Variants in RPTOR observed in about 807,000 individuals in gnomAD.
RPTOR encodes the protein regulatory associated protein of MTOR complex 1.
RPTOR carries 21 observed loss-of-function variants against 169.9 expected under a neutral mutation model. That is an observed-to-expected ratio of 0.12 (90% CI 0.09 to 0.18). The LOEUF (loss-of-function observed/expected upper bound fraction) is 0.18. Among genes scored for constraint, RPTOR ranks in the 10% least tolerant of loss-of-function variants. The pLI, the probability that RPTOR is intolerant of heterozygous loss-of-function variation, is 1.00. For missense variants in RPTOR, 1,133 were observed against 1,855.9 expected (o/e 0.61, Z 7.16); for synonymous variants, 732 against 753.2 (o/e 0.97, Z 0.46).
At chr17:80,926,191 T>G (rs990595217) in intron 24 of RPTOR, among the ~76,000 whole-genome samples, 1 of 152,230 alleles carries the variant, frequency 6.6e-6, no homozygotes, top group East Asian at 1.9e-4. Context: ...TCTCTGTGAA[T>G]GGTATTTGGA....
Position 80,856,415 on chromosome 17 carries a change from C to T in RPTOR, c.1398+868C>T, listed in dbSNP as rs551306927. 3.6e-4 allele frequency among the ~76,000 whole-genome samples: 55 copies of T among 152,266 alleles called. No individual in the cohort carries two copies. In the South Asian group the frequency reaches 0.011, roughly 30 times the overall value. On this transcript the variant is annotated intron_variant, in intron 12 of 33. Coordinates refer to ENST00000306801, the MANE Select transcript of RPTOR (RefSeq NM_020761.3). ...GTGCGGTGGGGCGGTGGGTGCGGAA[C>T]CGCTGTCACTAGCTGGGTGGTGAGT... is the stretch of plus-strand genomic sequence containing the variant.
At chr17:80,814,624 A>G (rs2067305297) in intron 7 of RPTOR, among the ~76,000 whole-genome samples, 1 of 152,208 alleles carries the variant, frequency 6.6e-6, no homozygotes, top group African/African-American at 2.4e-5. Flanking sequence ...GGATTCACCC[A>G]TTGGCTCATC....
At chr17:80,841,498 C>G (rs1436912334) in intron 10 of RPTOR, among the ~76,000 whole-genome samples, 3 of 120,142 alleles carry the variant, frequency 2.5e-5, no homozygotes, top group Admixed American at 8.1e-5. Context: ...CTCACTCTCA[C>G]CACACGGCAG....
intron 11 of RPTOR, among the ~76,000 whole-genome samples, chr17:80,851,045 C>T (rs1356561935): frequency 2.0e-5 from 3 of 152,206 alleles, no homozygotes; most frequent in Admixed American, 6.5e-5. Context: ...CCTCCTGACT[C>T]AGCCTCCTGA....
At chr17:80,813,323 G>A (rs1167357589) in intron 7 of RPTOR, among the ~76,000 whole-genome samples, 1 of 152,174 alleles carries the variant, frequency 6.6e-6, no homozygotes, top group African/African-American at 2.4e-5. Flanking sequence ...TTAAGAAAAA[G>A]TATTTTCACT....
At chr17:80,863,438 G>C (rs1054378287) in intron 13 of RPTOR, among the ~76,000 whole-genome samples, 2 of 152,318 alleles carry the variant, frequency 1.3e-5, no homozygotes, top group East Asian at 3.9e-4. Context: ...ACTGCTGCAG[G>C]TGTTATCATT....
At chr17:80,933,087 C>G (rs1046548210) in intron 24 of RPTOR, among the ~76,000 whole-genome samples, 1 of 152,216 alleles carries the variant, frequency 6.6e-6, no homozygotes, top group African/African-American at 2.4e-5. Context: ...CAAACATATC[C>G]TCTCTTGCCA....
intron 1 of RPTOR, among the ~76,000 whole-genome samples, chr17:80,595,510 C>T (rs759185543): frequency 1.3e-5 from 2 of 152,178 alleles, no homozygotes; most frequent in Non-Finnish European, 2.9e-5. Flanking sequence ...GGCTAGAGTG[C>T]GGTGGCATGA....
chr17:80,773,681 T>G (rs2066866219), intron 6 of RPTOR: 7 of 519,186 alleles, frequency 1.3e-5, no homozygotes, highest in Non-Finnish European at 1.7e-5. Context: ...GGCTCCTAGA[T>G]GTTATTTGGA....
rs2144057876 is a variant in RPTOR at position 80,947,242 on chromosome 17, G to A, written c.3156G>A (p.Glu1052=). The change falls in exon 27 of 34, where the codon GAG becomes GAA. Residue 1052 remains glutamate, a synonymous_variant. Coordinates refer to ENST00000306801, the MANE Select transcript of RPTOR (RefSeq NM_020761.3). The surrounding 1 kb of genome is among the most constrained non-coding windows in gnomAD (Gnocchi z 4.4). ...TTCCCTTAAGCTTTTGGGACTGGGA[G>A]AAAGGGGAGAAGCTGGATTATTTCC... ...DKDSICFWDW[E]KGEKLDYFHN... is the part of the protein sequence containing the mutation. The A allele has an allele frequency of 6.3e-7, 1 of 1,598,720 alleles. No individual in the cohort carries two copies.
chr17:80,876,076 G>A (rs1189957661), intron 13 of RPTOR, among the ~76,000 whole-genome samples: 4 of 75,114 alleles, frequency 5.3e-5, no homozygotes, highest in Non-Finnish European at 1.1e-4. Context: ...CCCGTGCCAC[G>A]CAGGGTGTGT....
intron 30 of RPTOR, chr17:80,961,103 C>T (rs575062059): frequency 1.3e-4 from 55 of 431,382 alleles, no homozygotes; most frequent in African/African-American, 1.0e-3. Context: ...CCGCCTGGCC[C>T]CCGTCTCTGG....
intron 20 of RPTOR, among the ~76,000 whole-genome samples, chr17:80,907,147 C>T (rs1311572688): frequency 1.3e-5 from 2 of 152,230 alleles, no homozygotes; most frequent in Non-Finnish European, 2.9e-5. Context: ...TGACACGAGG[C>T]CCTCCACTGG....
rs963631908 is a variant in RPTOR at position 80,803,944 on chromosome 17, G to A, written c.890+12435G>A. Among the ~76,000 whole-genome samples the A allele has an allele frequency of 1.3e-5, 2 of 152,216 alleles. No homozygotes were observed. Among genetic ancestry groups the A allele is most frequent in the Non-Finnish European group, 1.5e-5 (1 of 68,040 alleles). ...AGCGTTCCAGACGGGGAGCCCCACAGCCTCTGAGCCAGGCACGAGCTTGGG... is the reference window on the plus strand; with the variant it reads ...AGCGTTCCAGACGGGGAGCCCCACAACCTCTGAGCCAGGCACGAGCTTGGG... On this transcript the variant is annotated intron_variant, in intron 7 of 33. Coordinates refer to ENST00000306801, the MANE Select transcript of RPTOR (RefSeq NM_020761.3). This position sits in a 1 kb window ranked among gnomAD's most constrained non-coding sequence, Gnocchi z 6.2.
chr17:80,575,249 C>T (rs2064951685), intron 1 of RPTOR, among the ~76,000 whole-genome samples: 1 of 152,134 alleles, frequency 6.6e-6, no homozygotes, highest in African/African-American at 2.4e-5. Context: ...TCCGCCTTGG[C>T]CTCCCAAAGT....
intron 3 of RPTOR, among the ~76,000 whole-genome samples, chr17:80,655,305 C>G (rs1238197209): frequency 6.6e-6 from 1 of 152,204 alleles, no homozygotes; most frequent in Non-Finnish European, 1.5e-5. Flanking sequence ...AGGCTGGCCT[C>G]AAAGTCCTGA....
chr17:80,685,872 G>A (rs575582647), intron 3 of RPTOR, among the ~76,000 whole-genome samples: 20 of 151,282 alleles, frequency 1.3e-4, no homozygotes, highest in Admixed American at 7.3e-4. Context: ...GGAAATGCCC[G>A]ACAAGAACCC....
rs968519145 is a variant in RPTOR, at chr17:80,633,818, C to T, written c.265+8025C>T. Among the ~76,000 whole-genome samples, 12 of 152,292 alleles carry T rather than the reference C, an allele frequency of 7.9e-5. No homozygotes were observed. The highest frequency in any genetic ancestry group is 1.3e-4 in the Non-Finnish European group (9 of 68,014). ...AGAATCCAGTGTTATCCTTTGGTGCCGAGCTTGTCTCCCTCTGGTTGTTGG... is the reference window on the plus strand; with the variant it reads ...AGAATCCAGTGTTATCCTTTGGTGCTGAGCTTGTCTCCCTCTGGTTGTTGG... On this transcript the variant is annotated intron_variant, in intron 2 of 33. Coordinates refer to ENST00000306801, the MANE Select transcript of RPTOR (RefSeq NM_020761.3). This position sits in a 1 kb window ranked among gnomAD's most constrained non-coding sequence, Gnocchi z 4.1.
At chr17:80,847,922 G>A (rs1278570026) in intron 11 of RPTOR, among the ~76,000 whole-genome samples, 1 of 152,234 alleles carries the variant, frequency 6.6e-6, no homozygotes, top group African/African-American at 2.4e-5. Context: ...GTTTATCTCT[G>A]TCACGGCCAT....
Sources: gnomAD v4.1 joint callset for allele counts (sites outside exome capture counted in the v4.1 genomes callset) on GRCh38, gnomAD v4.1.1 for gene constraint, Gnocchi (gnomAD v3.1) non-coding constraint, MANE v1.5 for transcripts, NCBI Gene and HGNC (gene_info 2026-07-23, HGNC 2026-07-21) for gene names.